The following HSF1 variants were observed in gnomAD, a reference collection of about 807,000 sequenced individuals.
HSF1 encodes heat shock transcription factor 1.
In HSF1, 32 loss-of-function variants were observed where a neutral mutation model predicts 51.7. That is an observed-to-expected ratio of 0.62 (90% CI 0.47 to 0.83). HSF1 has a LOEUF of 0.83. Among genes scored for constraint, HSF1 ranks in the 40% least tolerant of loss-of-function variants. HSF1 has a pLI of 0.00. For missense variants in HSF1, 727 were observed against 717.0 expected, an observed-to-expected ratio of 1.01 and a Z score of -0.16; for synonymous variants, 396 against 309.7, an observed-to-expected ratio of 1.28 and a Z score of -2.92.
intron 9 of HSF1, chr8:144,313,283 C>T (rs374771722): frequency 1.9e-6 from 1 of 534,646 alleles, no homozygotes; most frequent in African/African-American, 1.9e-5. Context: ...GCCCCCAGGC[C>T]CTCATGGCAA....
intron 1 of HSF1, among the ~76,000 whole-genome samples, chr8:144,299,263 GAAACGCCGTCTCTACTAC>G (rs1320647232): frequency 2.0e-5 from 3 of 151,936 alleles, no homozygotes; most frequent in Non-Finnish European, 4.4e-5. Flanking sequence ...CCAATATGGT[GAAACGCCGTCTCTACTAC>G]AAAAAATTAG....
chr8:144,311,309 C>G lies in HSF1; in HGVS notation c.565-12C>G. ...ACAAGGGCCGGGGTAACTGTGTCCT[C>G]TCTCTCCACAGCTCATTCAGTTCCT... On this transcript the variant is annotated splice_polypyrimidine_tract_variant and intron_variant, in intron 5 of 12. Transcript: ENST00000528838. 3.1e-6 allele frequency: 5 copies of G among 1,613,882 alleles called. No individual in the cohort carries two copies. The highest frequency in any genetic ancestry group is 3.4e-6 in the Non-Finnish European group (4 of 1,180,006).
chr8:144,305,626 C>T (rs1159293768), intron 1 of HSF1, among the ~76,000 whole-genome samples: 1 of 149,760 alleles, frequency 6.7e-6, no homozygotes, highest in Non-Finnish European at 1.5e-5. Context: ...TTCCTTCTGT[C>T]TTTTTTTCTC....
At chr8:144,308,786 A>C (rs1816400196) in intron 1 of HSF1, 120 bp from the exon 2 acceptor site, 11 of 807,000 alleles carry the variant, frequency 1.4e-5, no homozygotes, top group Non-Finnish European at 2.3e-5. Context: ...CCATGGCCCC[A>C]GCCCCATCAG....
chr8:144,303,123 C>G (rs1223079073), intron 1 of HSF1, among the ~76,000 whole-genome samples: 1 of 152,048 alleles, frequency 6.6e-6, no homozygotes, highest in African/African-American at 2.4e-5. Context: ...TATTCTACTC[C>G]AGAGTTTCCA....
chr8:144,313,986 T>A lies in HSF1; in HGVS notation c.1316T>A (p.Ile439Asn). 1 of 1,609,794 alleles carries A rather than the reference T, an allele frequency of 6.2e-7. No homozygotes were observed. The highest frequency in any genetic ancestry group is 8.5e-7 in the Non-Finnish European group (1 of 1,179,114). ...LPDLDSSLAS[I>N]QELLSPQEPP... ...CACAATACCGTCTCCACCCCACAGA[T>A]CCAAGAGCTCCTGTCTCCCCAGGAG... Residue 439 changes from isoleucine (I) to asparagine (N), a missense_variant and splice_region_variant, in exon 12 of 13, where the codon ATC (isoleucine) becomes AAC (asparagine). By Grantham distance (149) the Ile-to-Asn change is moderately radical (BLOSUM62 -3). Transcript: ENST00000528838.
intron 1 of HSF1, among the ~76,000 whole-genome samples, chr8:144,300,759 G>A (rs1195815554): frequency 6.6e-6 from 1 of 152,174 alleles, no homozygotes; most frequent in Non-Finnish European, 1.5e-5. Context: ...ATGATGTCCT[G>A]GAGCAGAGGA....
intron 1 of HSF1, among the ~76,000 whole-genome samples, chr8:144,305,536 C>T (rs1816151465): frequency 6.6e-6 from 1 of 152,074 alleles, no homozygotes; most frequent in East Asian, 1.9e-4. Flanking sequence ...CTCTTGACCT[C>T]GTGATCCAAC....
chr8:144,292,480 C>T (rs1554840553), intron 1 of HSF1: 1 of 152,296 alleles, frequency 6.6e-6, no homozygotes, highest in Non-Finnish European at 1.5e-5. Context: ...TTTCTGTCTT[C>T]AGTTGCCTGG....
intron 1 of HSF1, among the ~76,000 whole-genome samples, chr8:144,292,098 G>T (rs1815129930): frequency 1.3e-5 from 2 of 152,372 alleles, no homozygotes; most frequent in East Asian, 1.9e-4. Flanking sequence ...TTCAACCCCT[G>T]CCCCAGCGAA....
At chr8:144,299,341 G>A (rs1227803441) in intron 1 of HSF1, among the ~76,000 whole-genome samples, 1 of 151,808 alleles carries the variant, frequency 6.6e-6, no homozygotes, top group South Asian at 2.1e-4. Flanking sequence ...GGAGGCTGAG[G>A]CAAGAGAACC....
chr8:144,302,638 G>A (rs1815967866), intron 1 of HSF1, among the ~76,000 whole-genome samples: 1 of 151,754 alleles, frequency 6.6e-6, no homozygotes. Context: ...GACCAGCCTG[G>A]GCAACATAGG....
In HSF1 at chr8:144,311,525, G is replaced by A; in HGVS notation, c.647G>A (p.Ser216Asn). ...KRKIPLMLND[S>N]GSAHSMPKYS... ...CACAGCCCCCTGATGCTGAACGACA[G>A]TGGCTCAGCACATTCCATGCCCAAG... The change falls in exon 7 of 13, where the codon AGT becomes AAT. Residue 216 changes from serine to asparagine, a missense_variant. Transcript: ENST00000528838. 1 of 1,613,684 alleles carries A rather than the reference G, an allele frequency of 6.2e-7. No homozygotes were observed. The highest frequency in any genetic ancestry group is 2.2e-5 in the East Asian group (1 of 44,880).
chr8:144,304,876 C>T (rs1321264961), intron 1 of HSF1, among the ~76,000 whole-genome samples: 8 of 149,770 alleles, frequency 5.3e-5, no homozygotes, highest in African/African-American at 1.7e-4. Context: ...TGACCTCAAA[C>T]GATCCACACA....
chr8:144,307,035 G>A (rs1816268710), intron 1 of HSF1, among the ~76,000 whole-genome samples: 1 of 152,102 alleles, frequency 6.6e-6, no homozygotes, highest in Non-Finnish European at 1.5e-5. Context: ...AGAAGTGAGA[G>A]CTCGGGGCTG....
chr8:144,297,159 C>T lies in HSF1; in HGVS notation c.117+5285C>T, dbSNP rs1815526217. Among the ~76,000 whole-genome samples the T allele has an allele frequency of 6.6e-6, 1 of 152,152 alleles. No homozygotes were observed. The highest frequency in any genetic ancestry group is 2.4e-5 in the African/African-American group (1 of 41,416). ...GCTGGAGAGGGGTCGGTGGGGCTCA[C>T]AGTGCCTTCCCAGAGGAAGCAAGCA... On this transcript the variant is annotated intron_variant, in intron 1 of 12. Transcript: ENST00000528838. This position sits in a 1 kb window ranked among gnomAD's most constrained non-coding sequence, Gnocchi z 4.6.
At chr8:144,304,740 G>A (rs1287166528) in intron 1 of HSF1, among the ~76,000 whole-genome samples, 4 of 152,122 alleles carry the variant, frequency 2.6e-5, no homozygotes, top group African/African-American at 7.2e-5. Flanking sequence ...TCTACCTCCC[G>A]GGTTCAAGCA....
In HSF1 at chr8:144,312,060, T is replaced by C. The variant is rs1386114895; in HGVS notation, c.958T>C (p.Ser320Pro). The C allele has an allele frequency of 6.2e-7, 1 of 1,612,102 alleles. No individual in the cohort carries two copies. Among genetic ancestry groups the C allele is most frequent in the Non-Finnish European group, 8.5e-7 (1 of 1,179,762 alleles). ...GGAGGCGAGTCCCGGGCGCCCATCT[T>C]CCGTGGACACCCTCTTGTCCCCGAC... is the stretch of plus-strand genomic sequence containing the variant. The part of the protein sequence containing the change: ...VEEASPGRPS[S>P]VDTLLSPTAL... The change falls in exon 9 of 13, where the codon TCC becomes CCC. Residue 320 changes from serine to proline, a missense_variant. Around this residue, in one of 2 missense-constraint regions of HSF1, gnomAD observed 470 missense variants for 398.8 expected, o/e 1.18. Coordinates refer to ENST00000528838, the MANE Select transcript of HSF1 (RefSeq NM_005526.4).
intron 1 of HSF1, among the ~76,000 whole-genome samples, chr8:144,295,708 C>A (rs1815409485): frequency 7.1e-6 from 1 of 139,918 alleles, no homozygotes; most frequent in Non-Finnish European, 1.5e-5. Context: ...CACCACCAGA[C>A]CTGGCTTTTT....
Sources: allele counts gnomAD v4.1 joint callset (sites outside exome capture counted in the v4.1 genomes callset), GRCh38; gene constraint gnomAD v4.1.1; regional missense constraint gnomAD v4.1.1; non-coding constraint Gnocchi (gnomAD v3.1); transcripts MANE v1.5; gene names NCBI Gene and HGNC (gene_info 2026-07-23, HGNC 2026-07-21).